SLC9A8: variants seen among roughly 807,000 people sequenced by gnomAD.
SLC9A8 encodes the protein sodium/hydrogen exchanger 8.
SLC9A8 carries 48 observed loss-of-function variants against 66.6 expected under a neutral mutation model. That is an observed-to-expected ratio of 0.72 (90% CI 0.57 to 0.92). SLC9A8 has a LOEUF of 0.92. Ranked by LOEUF, SLC9A8 falls within the 40% of genes least tolerant of loss-of-function variation. SLC9A8 has a pLI of 0.00. For synonymous variants in SLC9A8, 274 were observed against 282.6 expected, an observed-to-expected ratio of 0.97 and a Z score of 0.31; for missense variants, 599 against 747.3, an observed-to-expected ratio of 0.80 and a Z score of 2.31.
chr20:49,854,495 A>G (rs1167019804), intron 7 of SLC9A8, among the ~76,000 whole-genome samples: 1 of 151,766 alleles, frequency 6.6e-6, no homozygotes, highest in African/African-American at 2.4e-5. Context: ...CGCCCCATCT[A>G]AGTGGCTCCC....
intron 2 of SLC9A8, among the ~76,000 whole-genome samples, chr20:49,816,116 ACT>A (rs1175189309): frequency 4.0e-5 from 6 of 151,822 alleles, no homozygotes; most frequent in Non-Finnish European, 8.8e-5. Flanking sequence ...AAATGCATTC[ACT>A]CTCTGAAAAC....
intron 6 of SLC9A8, among the ~76,000 whole-genome samples, chr20:49,850,224 T>C (rs2088188233): frequency 6.6e-6 from 1 of 152,220 alleles, no homozygotes; most frequent in Non-Finnish European, 1.5e-5. Context: ...GTGGCACCAG[T>C]TGGGTGGTCT....
chr20:49,828,612 C>T (rs1034137528), intron 3 of SLC9A8, among the ~76,000 whole-genome samples: 5 of 150,634 alleles, frequency 3.3e-5, no homozygotes, highest in Non-Finnish European at 4.4e-5. Context: ...CCGAGGTGGC[C>T]GGATCACCTT....
chr20:49,883,887 G>A lies in SLC9A8; in HGVS notation c.1312G>A (p.Asp438Asn), dbSNP rs1187320205. Reference protein sequence around the residue: ...AIPYALSLHLDLEPMEKRQLI... With the variant: ...AIPYALSLHLNLEPMEKRQLI... ...CCCCTATGCCCTGAGCCTACACCTG[G>A]ACCTGGAGCCCATGGAGAAGCGGCA... Residue 438 changes from aspartate (D) to asparagine (N), a missense_variant, in exon 14 of 16, where the codon GAC (aspartate) becomes AAC (asparagine). Physicochemically the swap from Asp to Asn is conservative, Grantham distance 23. Coordinates refer to ENST00000361573, the MANE Select transcript of SLC9A8 (RefSeq NM_015266.3). The A allele has an allele frequency of 1.2e-6, 2 of 1,609,508 alleles. No individual in the cohort carries two copies. Among genetic ancestry groups the A allele is most frequent in the Admixed American group, 1.7e-5 (1 of 59,998 alleles).
At chr20:49,833,162 T>C (rs925414901) in intron 3 of SLC9A8, among the ~76,000 whole-genome samples, 5 of 152,188 alleles carry the variant, frequency 3.3e-5, no homozygotes, top group Admixed American at 2.6e-4. Context: ...CCTTGGCCTC[T>C]GAAAGTGCTG....
chr20:49,886,700 C>A lies in SLC9A8; in HGVS notation c.1492-52C>A. 1.9e-6 allele frequency: 3 copies of A among 1,586,318 alleles called. No homozygotes were observed. The South Asian group carries it at 3.4e-5, about 18-fold the overall frequency. Reference sequence around the variant, plus strand: ...TGGTGTGGGGGCTTCCAGGAGGTGCCCCCCGATGGTGCCAGCTGGTGGCCG... The same window carrying A: ...TGGTGTGGGGGCTTCCAGGAGGTGCACCCCGATGGTGCCAGCTGGTGGCCG... On this transcript the variant is annotated intron_variant, in intron 14 of 15. Coordinates refer to ENST00000361573, the MANE Select transcript of SLC9A8 (RefSeq NM_015266.3). This position sits in a 1 kb window ranked among gnomAD's most constrained non-coding sequence, Gnocchi z 4.8.
chr20:49,886,956 C>T lies in SLC9A8; in HGVS notation c.1638+58C>T, dbSNP rs6020105. On this transcript the variant is annotated intron_variant, in intron 15 of 15. Coordinates refer to ENST00000361573, the MANE Select transcript of SLC9A8 (RefSeq NM_015266.3). This position sits in a 1 kb window ranked among gnomAD's most constrained non-coding sequence, Gnocchi z 4.8. ...GTCCCTTGCCTGCCTCCTTCAGGAC[C>T]TGCGGTGGCCCAGGGTGGGGTGGAG... 30 of 1,555,152 alleles carry T rather than the reference C, an allele frequency of 1.9e-5. No homozygotes were observed. Among genetic ancestry groups the T allele is most frequent in the African/African-American group, 6.8e-5 (5 of 73,634 alleles).
At chr20:49,829,002 GA>G (rs957021672) in intron 3 of SLC9A8, 2 of 122,392 alleles carry the variant, frequency 1.6e-5, no homozygotes, top group Admixed American at 8.6e-5. Flanking sequence ...TGTATATATA[GA>G]TTTTTTTTTT....
At chr20:49,821,335 G>C (rs909969482) in intron 2 of SLC9A8, among the ~76,000 whole-genome samples, 1 of 152,072 alleles carries the variant, frequency 6.6e-6, no homozygotes, top group African/African-American at 2.4e-5. Context: ...GTTTTGTCTA[G>C]ACATTGGGCA....
At chr20:49,847,718 T>G (rs1177103893) in intron 5 of SLC9A8, among the ~76,000 whole-genome samples, 1 of 152,176 alleles carries the variant, frequency 6.6e-6, no homozygotes, top group African/African-American at 2.4e-5. Context: ...ATTGCAAATA[T>G]TACACAAATC....
Position 49,862,920 on chromosome 20 carries a change from A to C in SLC9A8, c.714-9A>C. 6.3e-7 allele frequency: 1 copy of C among 1,595,514 alleles called. No individual in the cohort carries two copies. The highest frequency in any genetic ancestry group is 1.4e-5 in the African/African-American group (1 of 74,040). ...TTTTAATTTATTTCTGTTTTCTTTCATTTCCTAGCACAGCTGAAGGTTTAA... is the reference window on the plus strand; with the variant it reads ...TTTTAATTTATTTCTGTTTTCTTTCCTTTCCTAGCACAGCTGAAGGTTTAA... On this transcript the variant is annotated splice_polypyrimidine_tract_variant and intron_variant, in intron 8 of 15. Coordinates refer to ENST00000361573, the MANE Select transcript of SLC9A8 (RefSeq NM_015266.3).
At chr20:49,824,608 A>G (rs1179606350) in intron 3 of SLC9A8, among the ~76,000 whole-genome samples, 1 of 152,238 alleles carries the variant, frequency 6.6e-6, no homozygotes, top group African/African-American at 2.4e-5. Flanking sequence ...TGGAATTTCA[A>G]GCTCCTCATG....
intron 12 of SLC9A8, among the ~76,000 whole-genome samples, chr20:49,878,890 G>C (rs754914126): frequency 6.6e-6 from 1 of 152,078 alleles, no homozygotes. Flanking sequence ...GGTGATATGC[G>C]CCTGTAATTC....
At chr20:49,853,833 C>T (rs1023525479) in intron 7 of SLC9A8, among the ~76,000 whole-genome samples, 7 of 152,190 alleles carry the variant, frequency 4.6e-5, no homozygotes, top group Non-Finnish European at 1.0e-4. Flanking sequence ...TCCGGAGGCA[C>T]TCTGGGTTAA....
At chr20:49,822,536 G>A (rs1027541066) in intron 2 of SLC9A8, among the ~76,000 whole-genome samples, 1 of 152,204 alleles carries the variant, frequency 6.6e-6, no homozygotes, top group Non-Finnish European at 1.5e-5. Context: ...TGTAATCCCA[G>A]CACTTTGGGA....
rs188014007 is a variant in SLC9A8, at chr20:49,832,837, T to C, written c.290-6704T>C. Among the ~76,000 whole-genome samples, 11 of 152,292 alleles carry C rather than the reference T, an allele frequency of 7.2e-5. No individual in the cohort carries two copies. The South Asian group carries it at 2.1e-3, about 29-fold the overall frequency. ...CCGGTTAGTCAGTGTTGTCTTAATA[T>C]TGTTGACAATTCTGTAAAGTTCCTT... is the stretch of plus-strand genomic sequence containing the variant. On this transcript the variant is annotated intron_variant, in intron 3 of 15. Transcript: ENST00000361573.
chr20:49,876,745 A>ATAT (rs1244461583), intron 11 of SLC9A8, among the ~76,000 whole-genome samples: 1 of 152,208 alleles, frequency 6.6e-6, no homozygotes, highest in Non-Finnish European at 1.5e-5. Context: ...TTCAGAGCAA[A>ATAT]TGGATACCGT....
At chr20:49,830,484 G>C in intron 3 of SLC9A8, 1 of 794,408 alleles carries the variant, frequency 1.3e-6, no homozygotes, top group Non-Finnish European at 2.2e-6. Context: ...GATCTGCCCT[G>C]GAAAGTGCTA....
At chr20:49,885,662 T>G (rs2089862191) in intron 14 of SLC9A8, among the ~76,000 whole-genome samples, 2 of 152,138 alleles carry the variant, frequency 1.3e-5, no homozygotes, top group South Asian at 4.1e-4. Context: ...AACCGCTGAG[T>G]TTCTGGAATG....
Sources: gnomAD v4.1 joint callset for allele counts (sites outside exome capture counted in the v4.1 genomes callset) on GRCh38, gnomAD v4.1.1 for gene constraint, Gnocchi (gnomAD v3.1) non-coding constraint, MANE v1.5 for transcripts, NCBI Gene and HGNC (gene_info 2026-07-23, HGNC 2026-07-21) for gene names.